The following CRACDL variants were observed in gnomAD, a reference collection of about 807,000 sequenced individuals.
The protein encoded by CRACDL is CRACD-like protein.
A neutral mutation model predicts 70.6 loss-of-function variants in CRACDL; 26 were observed. The observed-to-expected ratio is 0.37, with a 90% CI of 0.27 to 0.51. The LOEUF is 0.51. Ranked by LOEUF, CRACDL falls within the 20% of genes least tolerant of loss-of-function variation. CRACDL has a pLI of 0.94. For missense variants in CRACDL, 1,283 were observed against 1,376.9 expected, an observed-to-expected ratio of 0.93 and a Z score of 1.08; for synonymous variants, 618 against 615.2, an observed-to-expected ratio of 1.00 and a Z score of -0.07.
intron 1 of CRACDL, among the ~76,000 whole-genome samples, chr2:98,891,135 T>C (rs867096933): frequency 2.6e-5 from 4 of 151,908 alleles, no homozygotes; most frequent in Admixed American, 6.6e-5. Context: ...TCCCAGCACT[T>C]TGGAAGGCCA....
chr2:98,877,201 G>A (rs897143838), intron 1 of CRACDL, among the ~76,000 whole-genome samples: 1 of 152,176 alleles, frequency 6.6e-6, no homozygotes. Flanking sequence ...TTCTACCCTC[G>A]ACTTTACCAC....
intron 7 of CRACDL, among the ~76,000 whole-genome samples, chr2:98,803,797 G>A (rs1191133275): frequency 6.6e-6 from 1 of 152,174 alleles, no homozygotes; most frequent in East Asian, 1.9e-4. Flanking sequence ...GTGCCTCGTT[G>A]CTTCAACAAA....
At chr2:98,915,303 C>A (rs899698990) in intron 1 of CRACDL, among the ~76,000 whole-genome samples, 1 of 152,222 alleles carries the variant, frequency 6.6e-6, no homozygotes, top group African/African-American at 2.4e-5. Context: ...CCTTTCAGCC[C>A]TGGAGGCAGT....
Position 98,926,443 on chromosome 2 carries a change from AT to A in CRACDL, c.-11+9494del, listed in dbSNP as rs1708911706. 2.6e-5 allele frequency among the ~76,000 whole-genome samples: 4 copies of A among 152,270 alleles called. No individual in the cohort carries two copies. The South Asian group carries it at 8.3e-4, about 32-fold the overall frequency. ...CTTGCAGGGTGGGGAGCATCAGGCC[AT>A]TTTGAACAGTCCATCTCTGAAGGGG... is the stretch of plus-strand genomic sequence containing the variant. On this transcript the variant is annotated intron_variant, in intron 1 of 9. Coordinates refer to ENST00000397899, the MANE Select transcript of CRACDL (RefSeq NM_207362.3).
intron 7 of CRACDL, 27 bp from the exon 8 acceptor site, chr2:98,797,564 G>A (rs1157814447): frequency 1.2e-6 from 2 of 1,608,740 alleles, no homozygotes; most frequent in East Asian, 2.2e-5. Flanking sequence ...CAAGATTATA[G>A]AAACAGTCCT....
At chr2:98,843,619 T>C (rs1008572659) in intron 2 of CRACDL, among the ~76,000 whole-genome samples, 2 of 152,230 alleles carry the variant, frequency 1.3e-5, no homozygotes, top group Non-Finnish European at 2.9e-5. Flanking sequence ...TTTGTTGGAA[T>C]ATTATCTTTT....
At chr2:98,857,658 T>C (rs1706761707) in intron 1 of CRACDL, among the ~76,000 whole-genome samples, 1 of 152,170 alleles carries the variant, frequency 6.6e-6, no homozygotes, top group Non-Finnish European at 1.5e-5. Context: ...AGTACTCTGA[T>C]ATAAATAGAA....
At chr2:98,846,676 C>G in intron 2 of CRACDL, 55 bp downstream of exon 2, 3 of 1,464,966 alleles carry the variant, frequency 2.0e-6, no homozygotes, top group Non-Finnish European at 2.9e-6. Context: ...AGTCCCTCTC[C>G]CTGCCCCACA....
chr2:98,902,538 C>T (rs1176258794), intron 1 of CRACDL, among the ~76,000 whole-genome samples: 1 of 152,084 alleles, frequency 6.6e-6, no homozygotes, highest in African/African-American at 2.4e-5. Flanking sequence ...TTCTGGTCTT[C>T]GGAGTAGATG....
chr2:98,841,445 TC>T (rs1706022697), intron 2 of CRACDL, among the ~76,000 whole-genome samples: 2 of 152,184 alleles, frequency 1.3e-5, no homozygotes, highest in Non-Finnish European at 2.9e-5. Flanking sequence ...TGATTACAGG[TC>T]AATACAAGGA....
intron 6 of CRACDL, among the ~76,000 whole-genome samples, chr2:98,824,009 C>T (rs891264041): frequency 6.6e-6 from 1 of 152,202 alleles, no homozygotes; most frequent in African/African-American, 2.4e-5. Context: ...ACAGCTGGGA[C>T]TCTATGGCTC....
chr2:98,932,810 G>A (rs772355275), intron 1 of CRACDL, among the ~76,000 whole-genome samples: 7 of 152,198 alleles, frequency 4.6e-5, no homozygotes, highest in Admixed American at 1.3e-4. Flanking sequence ...GGAAGCTGGA[G>A]CCTAGAGCTC....
chr2:98,815,342 T>C (rs1540785), intron 7 of CRACDL, among the ~76,000 whole-genome samples: 5,689 of 152,370 alleles, frequency 0.037, 152 homozygotes, highest in Non-Finnish European at 0.059. Flanking sequence ...GTCAGTTTTA[T>C]GCATGTGCAG....
rs985986265 is a variant in CRACDL at position 98,821,986 on chromosome 2, G to A, written c.2287C>T (p.Pro763Ser). ...PEPLSSKPPL[P>S]RKPLLQSFTL... ...AAGCTCTGCAGAAGCGGCTTCCGGG[G>A]CAGGGGCGGCTTGGAGCTGAGCGGC... The change falls in exon 7 of 10, where the codon CCC becomes TCC. Residue 763 changes from proline to serine, a missense_variant. Coordinates refer to ENST00000397899, the MANE Select transcript of CRACDL (RefSeq NM_207362.3). The A allele has an allele frequency of 2.9e-5, 44 of 1,529,904 alleles. No homozygotes were observed. The highest frequency in any genetic ancestry group is 3.8e-5 in the Non-Finnish European group (43 of 1,139,134). 94.8% of individuals were successfully genotyped at this position (1,529,904 alleles called of 1,614,324 possible).
At chr2:98,889,116 G>A (rs1707877420) in intron 1 of CRACDL, among the ~76,000 whole-genome samples, 1 of 135,990 alleles carries the variant, frequency 7.4e-6, no homozygotes, top group Non-Finnish European at 1.5e-5. Flanking sequence ...AACACAGCAA[G>A]ACTCTGTCAA....
At position 98,883,042 on chromosome 2, in the gene CRACDL, G is replaced by A. The variant is rs577630503; in HGVS notation, c.-10-36232C>T. On this transcript the variant is annotated intron_variant, in intron 1 of 9. Coordinates refer to ENST00000397899, the MANE Select transcript of CRACDL (RefSeq NM_207362.3). ...TCTGATGGCCACACTTCTCCTGCCAGGTGGGAAAGAACCTAGCAAAGGATG... is the reference window on the plus strand; with the variant it reads ...TCTGATGGCCACACTTCTCCTGCCAAGTGGGAAAGAACCTAGCAAAGGATG... Among the ~76,000 whole-genome samples the A allele has an allele frequency of 7.2e-5, 11 of 152,348 alleles. No homozygotes were observed. The East Asian group carries it at 2.1e-3, about 29-fold the overall frequency.
At chr2:98,907,295 GAAACA>G (rs768493136) in intron 1 of CRACDL, among the ~76,000 whole-genome samples, 5 of 151,968 alleles carry the variant, frequency 3.3e-5, no homozygotes, top group Non-Finnish European at 5.9e-5. Flanking sequence ...TCCATCTCAG[GAAACA>G]AAACAAAACA....
intron 7 of CRACDL, among the ~76,000 whole-genome samples, chr2:98,810,795 C>T (rs1054491938): frequency 6.6e-6 from 1 of 152,022 alleles, no homozygotes. Flanking sequence ...GAGAAACAAC[C>T]GTGTAAATAC....
intron 1 of CRACDL, among the ~76,000 whole-genome samples, chr2:98,865,109 C>T (rs1019316580): frequency 1.3e-5 from 2 of 152,116 alleles, no homozygotes; most frequent in African/African-American, 4.8e-5. Context: ...TGGACTCCAA[C>T]CCAAGCCCTG....
Sources: allele counts gnomAD v4.1 joint callset (sites outside exome capture counted in the v4.1 genomes callset), GRCh38; gene constraint gnomAD v4.1.1; transcripts MANE v1.5; gene names NCBI Gene and HGNC (gene_info 2026-07-23, HGNC 2026-07-21).